Variants in ABCC5 observed in about 807,000 individuals in gnomAD.
ABCC5 encodes ATP binding cassette subfamily C member 5, also known as ATP-binding cassette sub-family C member 5.
In ABCC5, 61 loss-of-function variants were observed where a neutral mutation model predicts 160.9. That is an observed-to-expected ratio of 0.38 (90% CI 0.31 to 0.47). ABCC5 has a LOEUF of 0.47. Ranked by LOEUF, ABCC5 falls within the 20% of genes least tolerant of loss-of-function variation. ABCC5 has a pLI of 0.99. For missense variants in ABCC5, 1,308 were observed against 1,813.3 expected (o/e 0.72, Z 5.06); for synonymous variants, 666 against 700.6 (o/e 0.95, Z 0.78).
Position 183,987,332 on chromosome 3 carries a change from G to T in ABCC5, c.591+438C>A. Reference sequence around the variant, plus strand: ...CCTCGACAGTCCTCTAGTTTTCTCAGGGCTTATTTGCCACAGACCTGCCAA... The same window carrying T: ...CCTCGACAGTCCTCTAGTTTTCTCATGGCTTATTTGCCACAGACCTGCCAA... On this transcript the variant is annotated intron_variant, in intron 5 of 29. Coordinates refer to ENST00000334444, the MANE Select transcript of ABCC5 (RefSeq NM_005688.4). The surrounding 1 kb of genome is among the most constrained non-coding windows in gnomAD (Gnocchi z 4.2). 2.9e-6 allele frequency: 1 copy of T among 349,930 alleles called. No individual in the cohort carries two copies. Among genetic ancestry groups the T allele is most frequent in the South Asian group, 4.6e-5 (1 of 21,754 alleles). The allele number at this position is 349,930 out of a possible 1,614,324, so 21.7% of individuals were successfully genotyped here.
Position 183,988,782 on chromosome 3 carries a change from C to T in ABCC5, c.288-55G>A. On this transcript the variant is annotated intron_variant, in intron 3 of 29. Transcript: ENST00000334444. This position sits in a 1 kb window ranked among gnomAD's most constrained non-coding sequence, Gnocchi z 4.4. Reference sequence around the variant, plus strand: ...TATCAACACGCACGGAGAGGGCAGCCCGTGTTTAATGGACACTGTTTAGTG... The same window carrying T: ...TATCAACACGCACGGAGAGGGCAGCTCGTGTTTAATGGACACTGTTTAGTG... 6.4e-7 allele frequency: 1 copy of T among 1,569,874 alleles called. No homozygotes were observed. The highest frequency in any genetic ancestry group is 8.6e-7 in the Non-Finnish European group (1 of 1,156,500).
chr3:184,011,663 A>C (rs1721754013), intron 2 of ABCC5, among the ~76,000 whole-genome samples: 1 of 152,220 alleles, frequency 6.6e-6, no homozygotes, highest in Admixed American at 6.5e-5. Flanking sequence ...CCTTTAACAA[A>C]TGAATGGTTA....
chr3:183,967,631 G>GT, intron 12 of ABCC5, 64 bp downstream of exon 12: 1 of 1,444,442 alleles, frequency 6.9e-7, no homozygotes, highest in African/African-American at 1.4e-5. Context: ...AAATTTGTTC[G>GT]TTTTTCCTGA....
intron 2 of ABCC5, among the ~76,000 whole-genome samples, chr3:183,992,764 G>C (rs902354884): frequency 6.6e-6 from 1 of 151,974 alleles, no homozygotes; most frequent in East Asian, 1.9e-4. Flanking sequence ...ACTCCGGCCT[G>C]AGCGAAAGAG....
chr3:183,942,049 T>C (rs1466099310), intron 25 of ABCC5, among the ~76,000 whole-genome samples: 2 of 98,676 alleles, frequency 2.0e-5, no homozygotes, highest in African/African-American at 7.2e-5. Context: ...TTTCTTTTCT[T>C]TTTTTTTTGA....
intron 10 of ABCC5, among the ~76,000 whole-genome samples, chr3:183,974,462 C>G (rs1432748319): frequency 6.6e-6 from 1 of 152,112 alleles, no homozygotes; most frequent in Non-Finnish European, 1.5e-5. Context: ...GTGCCCACCA[C>G]CACACCCAGC....
intron 5 of ABCC5, chr3:183,985,657 T>C (rs1719147267): frequency 2.1e-6 from 1 of 468,698 alleles, no homozygotes; most frequent in Non-Finnish European, 3.9e-6. Context: ...TTTAGAACTG[T>C]CTTAATCCAA....
intron 26 of ABCC5, among the ~76,000 whole-genome samples, chr3:183,935,684 T>C (rs1324016614): frequency 6.6e-6 from 1 of 151,412 alleles, no homozygotes; most frequent in Non-Finnish European, 1.5e-5. Context: ...GCTAATTTAG[T>C]AGAGACAGGG....
intron 2 of ABCC5, among the ~76,000 whole-genome samples, chr3:183,997,783 T>C (rs571984110): frequency 6.6e-6 from 1 of 152,308 alleles, no homozygotes; most frequent in Non-Finnish European, 1.5e-5. Flanking sequence ...GCTGTTTTGC[T>C]TATTATTATT....
chr3:183,965,520 T>C lies in ABCC5; in HGVS notation c.1834-19A>G. The C allele has an allele frequency of 6.2e-7, 1 of 1,613,330 alleles. No homozygotes were observed. Among genetic ancestry groups the C allele is most frequent in the Non-Finnish European group, 8.5e-7 (1 of 1,179,802 alleles). ...GCGTCATCTAGGGAGAGAGACACCA[T>C]CCAATGGCATCATAACTCAAAACCA... On this transcript the variant is annotated intron_variant, in intron 12 of 29. Coordinates refer to ENST00000334444, the MANE Select transcript of ABCC5 (RefSeq NM_005688.4).
chr3:183,993,411 G>A (rs2108880040), intron 2 of ABCC5, among the ~76,000 whole-genome samples: 1 of 150,126 alleles, frequency 6.7e-6, no homozygotes, highest in Middle Eastern at 3.5e-3. Flanking sequence ...TTGAACCAGG[G>A]AGGCAGAGAT....
rs1367500513 is a variant in ABCC5 at position 183,949,834 on chromosome 3, GGTGACTGC to G, written c.3138_3145del (p.Gln1047PhefsTer20). On this transcript the variant is annotated frameshift_variant, in exon 22 of 30. Coordinates refer to ENST00000334444, the MANE Select transcript of ABCC5 (RefSeq NM_005688.4). LOFTEE classifies it high-confidence loss of function. The surrounding 1 kb of genome is among the most constrained non-coding windows in gnomAD (Gnocchi z 4.2). The stretch of plus-strand genomic sequence containing the variant: ...GCTGGACGTGATGTGGGAGAGGAAA[GGTGACTGC>G]GTGATATTGTCCAGACGCTTCAGCT... 1 of 1,614,220 alleles carries G rather than the reference GGTGACTGC, an allele frequency of 6.2e-7. No homozygotes were observed. The highest frequency in any genetic ancestry group is 8.5e-7 in the Non-Finnish European group (1 of 1,180,038).
intron 2 of ABCC5, among the ~76,000 whole-genome samples, chr3:183,990,568 C>T (rs1030071628): frequency 2.6e-5 from 4 of 152,138 alleles, no homozygotes; most frequent in African/African-American, 9.7e-5. Flanking sequence ...CCCAATTAAA[C>T]AGCCCTGCCA....
rs111670829 is a variant in ABCC5, at chr3:184,002,190, G to C, written c.129+12074C>G. The stretch of plus-strand genomic sequence containing the variant: ...AGGTGGGAGGATCACCTAAGGTTGG[G>C]AGTTCGAGACCAGCCTGGCCAACAT... On this transcript the variant is annotated intron_variant, in intron 2 of 29. Coordinates refer to ENST00000334444, the MANE Select transcript of ABCC5 (RefSeq NM_005688.4). Among the ~76,000 whole-genome samples the C allele has an allele frequency of 7.5e-3, 1,141 of 152,190 alleles. 3 individuals carry two copies. The highest frequency in any genetic ancestry group is 0.011 in the Non-Finnish European group (776 of 67,986).
In ABCC5 at chr3:183,982,699, AAGGC is replaced by A; in HGVS notation, c.825+71_825+74del. On this transcript the variant is annotated intron_variant, in intron 6 of 29. Transcript: ENST00000334444. This position sits in a 1 kb window ranked among gnomAD's most constrained non-coding sequence, Gnocchi z 5.2. ...TTGTCTCAGGAGGAAGATAAAGGAT[AAGGC>A]AGGGCCCTAGAGGAATGAACCTCAA... The A allele has an allele frequency of 6.2e-7, 1 of 1,607,808 alleles. No homozygotes were observed. Among genetic ancestry groups the A allele is most frequent in the East Asian group, 2.2e-5 (1 of 44,816 alleles).
intron 17 of ABCC5, 42 bp from the exon 18 acceptor site, chr3:183,953,312 C>G: frequency 6.5e-7 from 1 of 1,549,672 alleles, no homozygotes. Flanking sequence ...AAGGGAAGAA[C>G]TATTTCCATA....
chr3:183,937,812 C>T (rs1404199305), intron 26 of ABCC5, 89 bp downstream of exon 26: 2 of 1,435,118 alleles, frequency 1.4e-6, no homozygotes, highest in African/African-American at 2.8e-5. Context: ...AGCTCATGGT[C>T]CCAGGGGGCG....
chr3:183,922,898 G>A (rs1712148216), intron 29 of ABCC5, among the ~76,000 whole-genome samples: 1 of 152,108 alleles, frequency 6.6e-6, no homozygotes, highest in East Asian at 1.9e-4. Context: ...AGGGGAAGGT[G>A]AGTACTGGCT....
At chr3:184,009,265 T>C (rs957786502) in intron 2 of ABCC5, among the ~76,000 whole-genome samples, 3 of 152,186 alleles carry the variant, frequency 2.0e-5, no homozygotes, top group Non-Finnish European at 4.4e-5. Context: ...TATCTTTTGT[T>C]ACTTAGAGGC....
Sources: gnomAD v4.1 joint callset for allele counts (sites outside exome capture counted in the v4.1 genomes callset) on GRCh38, gnomAD v4.1.1 for gene constraint, Gnocchi (gnomAD v3.1) non-coding constraint, MANE v1.5 for transcripts, NCBI Gene and HGNC (gene_info 2026-07-23, HGNC 2026-07-21) for gene names.